The following CSF2RB variants were observed in gnomAD, a reference collection of about 807,000 sequenced individuals.
CSF2RB encodes the protein cytokine receptor common subunit beta.
Under a neutral mutation model 67.2 loss-of-function variants are expected in CSF2RB, and 22 were observed. That is an observed-to-expected ratio of 0.33 (90% CI 0.23 to 0.47). The LOEUF (loss-of-function observed/expected upper bound fraction) is 0.47, where lower values mean the gene tolerates loss of function less well. Ranked by LOEUF, CSF2RB falls within the 20% of genes least tolerant of loss-of-function variation. The pLI is 1.00. For missense variants in CSF2RB, 1,113 were observed against 1,174.5 expected, an observed-to-expected ratio of 0.95 and a Z score of 0.76; for synonymous variants, 507 against 482.9, an observed-to-expected ratio of 1.05 and a Z score of -0.65.
chr22:36,930,260 G>A, intron 6 of CSF2RB, 115 bp from the exon 7 acceptor site: 1 of 1,460,082 alleles, frequency 6.8e-7, no homozygotes, highest in Non-Finnish European at 9.5e-7. Flanking sequence ...TTTCAGCCCT[G>A]GTCTTTTGGC....
At chr22:36,919,870 C>A (rs9607396) in intron 1 of CSF2RB, among the ~76,000 whole-genome samples, 67,054 of 152,004 alleles carry the variant, frequency 0.44, 16,775 homozygotes, top group Admixed American at 0.58. Context: ...TTTGCTGTAT[C>A]TGTACATGTC....
At position 36,938,710 on chromosome 22, in the gene CSF2RB, T is replaced by C. The variant is rs1941329199; in HGVS notation, c.*208T>C. ...TCACACAGACACACACACACACACG[T>C]ACATGCACACATTTTTCCTGTCAGG... On this transcript the variant is annotated 3_prime_UTR_variant, in exon 14 of 14. Coordinates refer to ENST00000403662, the MANE Select transcript of CSF2RB (RefSeq NM_000395.3). 1.7e-6 allele frequency: 1 copy of C among 575,448 alleles called. No individual in the cohort carries two copies. The highest frequency in any genetic ancestry group is 3.1e-6 in the Non-Finnish European group (1 of 327,036). The allele number at this position is 575,448 out of a possible 1,614,324, so 35.6% of individuals were successfully genotyped here. A position where few individuals can be genotyped will look rare whatever the true frequency, so the allele number is the denominator to read the frequency against.
At chr22:36,925,956 C>G (rs765030023) in intron 3 of CSF2RB, 31 bp from the exon 4 acceptor site, 1 of 1,613,276 alleles carries the variant, frequency 6.2e-7, no homozygotes, top group South Asian at 1.1e-5. Flanking sequence ...TACCCATACA[C>G]CCTGGGCTAA....
rs1941303234 is a variant in CSF2RB, at chr22:36,937,817, C to T, written c.2009C>T (p.Ser670Phe). 3 of 1,602,974 alleles carry T rather than the reference C, an allele frequency of 1.9e-6. No homozygotes were observed. Among genetic ancestry groups the T allele is most frequent in the Non-Finnish European group, 2.6e-6 (3 of 1,175,114 alleles). Residue 670 changes from serine (S) to phenylalanine (F), a missense_variant, in exon 14 of 14, where the codon TCC becomes TTC. Coordinates refer to ENST00000403662, the MANE Select transcript of CSF2RB (RefSeq NM_000395.3). This position sits in a 1 kb window ranked among gnomAD's most constrained non-coding sequence, Gnocchi z 4.6. ...QGAAGSPSLESGGGPAPPALG... is the reference protein window; with the variant it reads ...QGAAGSPSLEFGGGPAPPALG... ...GCTGCAGGGAGTCCCTCCCTGGAGT[C>T]CGGGGGAGGCCCTGCCCCTCCTGCT...
At chr22:36,917,266 C>G (rs2145766905) in intron 1 of CSF2RB, among the ~76,000 whole-genome samples, 1 of 152,082 alleles carries the variant, frequency 6.6e-6, no homozygotes, top group South Asian at 2.1e-4. Flanking sequence ...TATGGAGTAC[C>G]CTCTACTTGG....
intron 4 of CSF2RB, among the ~76,000 whole-genome samples, chr22:36,928,811 A>G (rs1188887916): frequency 2.6e-5 from 4 of 152,140 alleles, no homozygotes; most frequent in Non-Finnish European, 5.9e-5. Flanking sequence ...ACCCACCCCC[A>G]TCTCCTCACA....
rs969932831 is a variant in CSF2RB, at chr22:36,922,217, G to T, written c.10G>T (p.Ala4Ser). 3.1e-6 allele frequency: 5 copies of T among 1,588,038 alleles called. No individual in the cohort carries two copies. The highest frequency in any genetic ancestry group is 4.3e-6 in the Non-Finnish European group (5 of 1,168,018). Residue 4 changes from alanine (A) to serine (S), a missense_variant, in exon 2 of 14, where the codon GCC (alanine) becomes TCC (serine). Physicochemically the swap from Ala to Ser is moderately conservative, Grantham distance 99 (BLOSUM62 1). Around this residue, in one of 2 missense-constraint regions of CSF2RB, gnomAD observed 559 missense variants for 656.5 expected, o/e 0.85. Transcript: ENST00000403662. MVL[A>S]QGLLSMALLA... ...AGAGCTGACCAGGGAGATGGTGCTG[G>T]CCCAGGGGCTGCTCTCCATGGCCCT...
Position 36,933,934 on chromosome 22 carries a change from A to T in CSF2RB, c.1255A>T (p.Thr419Ser). 1 of 1,612,662 alleles carries T rather than the reference A, an allele frequency of 6.2e-7. No individual in the cohort carries two copies. Among genetic ancestry groups the T allele is most frequent in the Non-Finnish European group, 8.5e-7 (1 of 1,179,948 alleles). Residue 419 changes from threonine to serine, a missense_variant, in exon 10 of 14, where the codon ACC becomes TCC. Physicochemically the swap from Thr to Ser is moderately conservative, Grantham distance 58. Around this residue, in one of 2 missense-constraint regions of CSF2RB, gnomAD observed 559 missense variants for 656.5 expected, o/e 0.85. Coordinates refer to ENST00000403662, the MANE Select transcript of CSF2RB (RefSeq NM_000395.3). ...WARVRVRTSR[T>S]GYNGIWSEWS... ...CAGGGTGAGGGTCAGGACCTCCCGC[A>T]CCGGCTACAACGGGATCTGGAGCGA...
chr22:36,916,632 C>G (rs1444204840), intron 1 of CSF2RB, among the ~76,000 whole-genome samples: 5 of 152,102 alleles, frequency 3.3e-5, no homozygotes, highest in Non-Finnish European at 7.4e-5. Context: ...CTGAGGCAGG[C>G]AGATCCCTTG....
At position 36,917,137 on chromosome 22, in the gene CSF2RB, T is replaced by C. The variant is rs150121330; in HGVS notation, c.-173+3460T>C. ...TTTGTTCATTTAACCAGAAATGTCT[T>C]GTTTATTATTAAATATTTAGGAGTG... is the stretch of plus-strand genomic sequence containing the variant. On this transcript the variant is annotated intron_variant, in intron 1 of 13. Transcript: ENST00000403662. Among the ~76,000 whole-genome samples, 10 of 152,328 alleles carry C rather than the reference T, an allele frequency of 6.6e-5. No individual in the cohort carries two copies. The East Asian group carries it at 1.9e-3, about 29-fold the overall frequency.
intron 4 of CSF2RB, among the ~76,000 whole-genome samples, chr22:36,928,389 G>A (rs991029000): frequency 1.3e-5 from 2 of 152,190 alleles, no homozygotes; most frequent in African/African-American, 4.8e-5. Context: ...TGGGAGTGCA[G>A]TGACCCATGA....
intron 3 of CSF2RB, among the ~76,000 whole-genome samples, chr22:36,924,301 G>A (rs1940957077): frequency 6.6e-6 from 1 of 151,410 alleles, no homozygotes; most frequent in East Asian, 2.0e-4. Context: ...CCGGGGCCTG[G>A]GCCTGGACCA....
chr22:36,932,728 G>A (rs550421187), intron 8 of CSF2RB, 37 bp from the exon 9 acceptor site: 1 of 1,607,574 alleles, frequency 6.2e-7, no homozygotes, highest in Non-Finnish European at 8.5e-7. Flanking sequence ...TTGGAGGGTG[G>A]GTATGATGAC....
intron 3 of CSF2RB, among the ~76,000 whole-genome samples, chr22:36,925,025 G>C (rs189203887): frequency 5.6e-4 from 85 of 152,296 alleles, no homozygotes; most frequent in African/African-American, 1.9e-3. Flanking sequence ...CTGTCACTTA[G>C]ACAACAGGTG....
intron 4 of CSF2RB, among the ~76,000 whole-genome samples, chr22:36,928,599 C>T (rs368577617): frequency 1.3e-5 from 2 of 152,176 alleles, no homozygotes; most frequent in South Asian, 2.1e-4. Flanking sequence ...AATCAGGTGC[C>T]GTGTCTTCAT....
At position 36,926,025 on chromosome 22, in the gene CSF2RB, A is replaced by T; in HGVS notation, c.239A>T (p.Asp80Val). ...LEPVSCDLSD[D>V]MPWSACPHPR... ...CCAGTGTCCTGTGACCTCAGTGATG[A>T]CATGCCCTGGTCAGCCTGCCCCCAT... Residue 80 changes from aspartate to valine, a missense_variant, in exon 4 of 14, where the codon GAC becomes GTC. Transcript: ENST00000403662. 6.2e-7 allele frequency: 1 copy of T among 1,614,172 alleles called. No individual in the cohort carries two copies. The highest frequency in any genetic ancestry group is 2.2e-5 in the East Asian group (1 of 44,886).
At chr22:36,921,368 G>T (rs1940865529) in intron 1 of CSF2RB, among the ~76,000 whole-genome samples, 1 of 150,460 alleles carries the variant, frequency 6.6e-6, no homozygotes, top group Non-Finnish European at 1.5e-5. Context: ...TATACATGTG[G>T]GTATGTGTGT....
intron 4 of CSF2RB, 138 bp from the exon 5 acceptor site, chr22:36,929,264 C>T (rs189318720): frequency 3.6e-4 from 385 of 1,072,288 alleles, no homozygotes; most frequent in Non-Finnish European, 4.6e-4. Flanking sequence ...ACAGAGGAGA[C>T]GGGTCTTGCT....
At chr22:36,920,112 A>T (rs957217081) in intron 1 of CSF2RB, among the ~76,000 whole-genome samples, 2 of 152,244 alleles carry the variant, frequency 1.3e-5, no homozygotes, top group African/African-American at 4.8e-5. Context: ...TAACCTATAC[A>T]TAGATGTATT....
Sources: gnomAD v4.1 joint callset for allele counts (sites outside exome capture counted in the v4.1 genomes callset) on GRCh38, gnomAD v4.1.1 for gene constraint, gnomAD v4.1.1 regional missense constraint, Gnocchi (gnomAD v3.1) non-coding constraint, MANE v1.5 for transcripts, NCBI Gene and HGNC (gene_info 2026-07-23, HGNC 2026-07-21) for gene names.